The following CLEC2L variants were observed in gnomAD, a reference collection of about 807,000 sequenced individuals.
CLEC2L encodes the protein C-type lectin domain family 2 member L.
Under a neutral mutation model 23.6 loss-of-function variants are expected in CLEC2L, and 14 were observed. The ratio of observed to expected loss-of-function variants is 0.59; its 90% CI spans 0.39 to 0.93. The LOEUF (loss-of-function observed/expected upper bound fraction) is 0.93, where lower values mean the gene tolerates loss of function less well. Among genes scored for constraint, CLEC2L ranks in the 40% least tolerant of loss-of-function variants. The pLI is 0.00. For missense variants in CLEC2L, 264 were observed against 282.4 expected (o/e 0.93, Z 0.47); for synonymous variants, 114 against 121.3 (o/e 0.94, Z 0.40).
chr7:139,544,253 G>T lies in CLEC2L; in HGVS notation c.556G>T (p.Glu186Ter). The change falls in exon 5 of 5, where the codon GAG becomes TAG. Residue 186 changes from glutamate (E) to a stop codon, truncating the protein, a stop_gained. Coordinates refer to ENST00000422142, the MANE Select transcript of CLEC2L (RefSeq NM_001080511.4). LOFTEE classifies it high-confidence loss of function. Reference sequence around the variant, plus strand: ...CAGGTTCACCATCGCAGGTCCAGGGGAGTGTGTCTTCGTGGAGCCCACCAG... The same window carrying T: ...CAGGTTCACCATCGCAGGTCCAGGGTAGTGTGTCTTCGTGGAGCCCACCAG... Reference protein sequence around the residue: ...PDTFTIAGPGECVFVEPTRLV... With the variant: ...PDTFTIAGPG 6.2e-7 allele frequency: 1 copy of T among 1,613,396 alleles called. No homozygotes were observed. Among genetic ancestry groups the T allele is most frequent in the Non-Finnish European group, 8.5e-7 (1 of 1,179,634 alleles).
intron 4 of CLEC2L, among the ~76,000 whole-genome samples, chr7:139,542,609 GAAGA>G (rs1797752440): frequency 6.6e-6 from 1 of 152,256 alleles, no homozygotes; most frequent in Non-Finnish European, 1.5e-5. Context: ...TGTAGCTGTG[GAAGA>G]AAGGGGATCT....
chr7:139,527,224 C>G (rs530307570), intron 1 of CLEC2L, among the ~76,000 whole-genome samples: 1 of 152,284 alleles, frequency 6.6e-6, no homozygotes, highest in African/African-American at 2.4e-5. Flanking sequence ...TGCCCAAGGA[C>G]ATCCTTGGTT....
At chr7:139,531,266 T>C (rs1187136482) in intron 1 of CLEC2L, among the ~76,000 whole-genome samples, 1 of 151,992 alleles carries the variant, frequency 6.6e-6, no homozygotes, top group Non-Finnish European at 1.5e-5. Flanking sequence ...CCAAAAAACC[T>C]GTCAGTCATA....
chr7:139,526,065 C>T (rs978864026), intron 1 of CLEC2L, among the ~76,000 whole-genome samples: 7 of 152,188 alleles, frequency 4.6e-5, no homozygotes, highest in African/African-American at 1.7e-4. Context: ...CTCCTGATGG[C>T]CTGTGGTCCT....
At chr7:139,538,873 G>T (rs1000222076) in intron 2 of CLEC2L, among the ~76,000 whole-genome samples, 1 of 152,322 alleles carries the variant, frequency 6.6e-6, no homozygotes, top group Non-Finnish European at 1.5e-5. Context: ...CTCTTACTAG[G>T]TTGGGAGGCC....
intron 1 of CLEC2L, among the ~76,000 whole-genome samples, chr7:139,529,475 G>C (rs1481673000): frequency 6.6e-6 from 1 of 152,186 alleles, no homozygotes; most frequent in African/African-American, 2.4e-5. Context: ...GCTAATAGAA[G>C]GGAGAAGAAG....
chr7:139,531,113 A>G (rs1797576460), intron 1 of CLEC2L, among the ~76,000 whole-genome samples: 1 of 152,184 alleles, frequency 6.6e-6, no homozygotes, highest in African/African-American at 2.4e-5. Flanking sequence ...GGCTCCAGTG[A>G]ACTCATTAGT....
intron 4 of CLEC2L, among the ~76,000 whole-genome samples, chr7:139,543,785 G>A (rs926667164): frequency 3.9e-5 from 6 of 152,178 alleles, no homozygotes; most frequent in South Asian, 2.1e-4. Flanking sequence ...AGATGAGAGC[G>A]CACAGAGCTC....
chr7:139,533,287 G>A (rs767534039), intron 1 of CLEC2L, among the ~76,000 whole-genome samples: 3 of 152,198 alleles, frequency 2.0e-5, no homozygotes, highest in Non-Finnish European at 2.9e-5. Flanking sequence ...GAAATTTGGA[G>A]CTAATACCAA....
chr7:139,532,468 G>GGT (rs1797594632), intron 1 of CLEC2L, among the ~76,000 whole-genome samples: 1 of 152,162 alleles, frequency 6.6e-6, no homozygotes. Context: ...GGGAGACCCT[G>GGT]GATGGCAGCT....
rs1210188616 is a variant in CLEC2L at position 139,534,531 on chromosome 7, G to GCAGGATCAA, written c.191-1739_191-1738insATCAACAGG. ...AGAAGATCTACATGCTTCTTCATCG[G>GCAGGATCAA]CAGGCTCAACAGGCTGATAAATAAT... On this transcript the variant is annotated intron_variant, in intron 1 of 4. Coordinates refer to ENST00000422142, the MANE Select transcript of CLEC2L (RefSeq NM_001080511.4). 3 of 768,682 alleles carry GCAGGATCAA rather than the reference G, an allele frequency of 3.9e-6. No individual in the cohort carries two copies. The African/African-American group carries it at 5.1e-5, about 13-fold the overall frequency. 47.6% of individuals were successfully genotyped at this position (768,682 alleles called of 1,614,324 possible). A position where few individuals can be genotyped will look rare whatever the true frequency, so the allele number is the denominator to read the frequency against.
chr7:139,537,823 C>G (rs1276939473), intron 2 of CLEC2L, among the ~76,000 whole-genome samples: 1 of 152,014 alleles, frequency 6.6e-6, no homozygotes, highest in East Asian at 1.9e-4. Context: ...GTGGAAGAGG[C>G]CTGAGAAACA....
chr7:139,541,058 G>C (rs138837739), intron 3 of CLEC2L, among the ~76,000 whole-genome samples: 1 of 152,232 alleles, frequency 6.6e-6, no homozygotes, highest in Non-Finnish European at 1.5e-5. Context: ...GCCCTGGCTG[G>C]AGTACAATGG....
intron 1 of CLEC2L, among the ~76,000 whole-genome samples, chr7:139,532,636 C>T (rs983973207): frequency 6.6e-5 from 10 of 152,038 alleles, no homozygotes; most frequent in Admixed American, 3.3e-4. Context: ...GGTAATTGAG[C>T]GGTAATTAGA....
intron 1 of CLEC2L, among the ~76,000 whole-genome samples, chr7:139,527,980 C>G (rs1797529031): frequency 6.6e-6 from 1 of 152,128 alleles, no homozygotes; most frequent in Admixed American, 6.6e-5. Context: ...ATGATGGGAG[C>G]TTTGTCTGGG....
chr7:139,544,606 C>G lies in CLEC2L; in HGVS notation c.*264C>G, dbSNP rs773801945. ...GCATCTGCCCACCTACACACACACACATGCATAGGTACACGCACGCACAGA... is the reference window on the plus strand; with the variant it reads ...GCATCTGCCCACCTACACACACACAGATGCATAGGTACACGCACGCACAGA... On this transcript the variant is annotated 3_prime_UTR_variant, in exon 5 of 5. Coordinates refer to ENST00000422142, the MANE Select transcript of CLEC2L (RefSeq NM_001080511.4). The G allele has an allele frequency of 1.2e-5, 6 of 507,074 alleles. No individual in the cohort carries two copies. Among genetic ancestry groups the G allele is most frequent in the Non-Finnish European group, 1.8e-5 (5 of 278,954 alleles). 31.4% of individuals were successfully genotyped at this position (507,074 alleles called of 1,614,324 possible).
In CLEC2L at chr7:139,540,632, G is replaced by A; in HGVS notation, c.432+145G>A. ...GCCCACCTGCTGCATAACCACTTGG[G>A]GTGCAGGCAGACCTCACAGTCTGAG... is the stretch of plus-strand genomic sequence containing the variant. On this transcript the variant is annotated intron_variant, in intron 3 of 4. Transcript: ENST00000422142. This position sits in a 1 kb window ranked among gnomAD's most constrained non-coding sequence, Gnocchi z 5.8. 1 of 894,544 alleles carries A rather than the reference G, an allele frequency of 1.1e-6. No homozygotes were observed. Among genetic ancestry groups the A allele is most frequent in the South Asian group, 1.5e-5 (1 of 66,352 alleles). The allele number at this position is 894,544 out of a possible 1,614,324, so 55.4% of individuals were successfully genotyped here. A position where few individuals can be genotyped will look rare whatever the true frequency, so the allele number is the denominator to read the frequency against.
At chr7:139,533,624 G>A (rs1797611160) in intron 1 of CLEC2L, among the ~76,000 whole-genome samples, 1 of 152,180 alleles carries the variant, frequency 6.6e-6, no homozygotes. Flanking sequence ...CCAAAGTGTT[G>A]GGATTACAGG....
intron 2 of CLEC2L, among the ~76,000 whole-genome samples, chr7:139,538,304 G>A (rs1797687032): frequency 1.3e-5 from 2 of 149,186 alleles, no homozygotes; most frequent in Admixed American, 1.3e-4. Flanking sequence ...ATGGTGGTGT[G>A]TACCTGTAGT....
Sources: allele counts gnomAD v4.1 joint callset (sites outside exome capture counted in the v4.1 genomes callset), GRCh38; gene constraint gnomAD v4.1.1; non-coding constraint Gnocchi (gnomAD v3.1); transcripts MANE v1.5; gene names NCBI Gene and HGNC (gene_info 2026-07-23, HGNC 2026-07-21).